The following CFH variants were observed in gnomAD, a reference collection of about 807,000 sequenced individuals.
CFH encodes complement factor H.
Under a neutral mutation model 147.3 loss-of-function variants are expected in CFH, and 53 were observed. The ratio of observed to expected loss-of-function variants is 0.36; its 90% CI spans 0.29 to 0.45. The LOEUF (loss-of-function observed/expected upper bound fraction) is 0.45. Ranked by LOEUF, CFH falls within the 20% of genes least tolerant of loss-of-function variation. The pLI, the probability that CFH is intolerant of heterozygous loss-of-function variation, is 1.00. For synonymous variants in CFH, 536 were observed against 489.4 expected (o/e 1.10, Z -1.26); for missense variants, 1,380 against 1,498.0 (o/e 0.92, Z 1.30).
intron 9 of CFH, chr1:196,701,469 A>C: frequency 7.6e-7 from 1 of 1,307,794 alleles, no homozygotes; most frequent in South Asian, 1.3e-5. Flanking sequence ...TTATGTGTGT[A>C]TTATTCCAGC....
rs772573809 is a variant in CFH at position 196,652,181 on chromosome 1, A to C, written c.58+6A>C. 1.7e-5 allele frequency: 27 copies of C among 1,594,596 alleles called. No homozygotes were observed. In the South Asian group the frequency reaches 2.5e-4, roughly 15 times the overall value. ...GGCTATTTGTGTAGCAGAAGGTAAG[A>C]TTAAAAGAGACTCTTTTCTGAAAAC... On this transcript the variant is annotated splice_donor_region_variant and intron_variant, in intron 1 of 21. Transcript: ENST00000367429.
intron 15 of CFH, 128 bp downstream of exon 15, chr1:196,728,650 G>T: frequency 1.2e-6 from 1 of 857,916 alleles, no homozygotes; most frequent in Non-Finnish European, 1.9e-6. Flanking sequence ...AGGTAAACTA[G>T]AAACTAATGA....
Position 196,688,524 on chromosome 1 carries a change from G to A in CFH, c.965-896G>A, listed in dbSNP as rs183957854. 5.5e-4 allele frequency among the ~76,000 whole-genome samples: 83 copies of A among 152,106 alleles called. No individual in the cohort carries two copies. The East Asian group carries it at 0.016, about 29-fold the overall frequency. ...CATGAATTAACTATGTTATTTTTCT[G>A]CGCGGTATCATCAAAGAAAAATTTT... On this transcript the variant is annotated intron_variant, in intron 7 of 21. Coordinates refer to ENST00000367429, the MANE Select transcript of CFH (RefSeq NM_000186.4).
chr1:196,745,186 T>C (rs755127968), intron 20 of CFH, among the ~76,000 whole-genome samples: 15 of 152,184 alleles, frequency 9.9e-5, no homozygotes, highest in Non-Finnish European at 1.8e-4. Flanking sequence ...ACTCAGCTTC[T>C]TAAATATAAG....
At chr1:196,685,606 C>T (rs56058676) in intron 7 of CFH, among the ~76,000 whole-genome samples, 27 of 152,060 alleles carry the variant, frequency 1.8e-4, no homozygotes, top group Admixed American at 7.9e-4. Context: ...CAGTTTCTAT[C>T]GGTCAGTAAT....
intron 1 of CFH, 72 bp from the exon 2 acceptor site, chr1:196,672,906 C>A (rs1004946508): frequency 2.3e-6 from 3 of 1,310,528 alleles, no homozygotes; most frequent in Admixed American, 2.0e-5. Flanking sequence ...TTTTTAAAAG[C>A]AACAATTACC....
At chr1:196,697,549 C>T (rs912072043) in intron 9 of CFH, among the ~76,000 whole-genome samples, 1 of 152,190 alleles carries the variant, frequency 6.6e-6, no homozygotes, top group East Asian at 1.9e-4. Flanking sequence ...CACTTTTACA[C>T]TGTTGGTGGA....
chr1:196,706,125 C>T (rs767041989), intron 9 of CFH, among the ~76,000 whole-genome samples: 20 of 151,820 alleles, frequency 1.3e-4, no homozygotes, highest in African/African-American at 4.8e-4. Context: ...CTGGGTTCAT[C>T]GGCACAGAAG....
In CFH at chr1:196,715,728, T is replaced by C. The variant is rs1471665793; in HGVS notation, c.1655T>C (p.Val552Ala). 1 of 1,612,854 alleles carries C rather than the reference T, an allele frequency of 6.2e-7. No individual in the cohort carries two copies. The highest frequency in any genetic ancestry group is 8.5e-7 in the Non-Finnish European group (1 of 1,179,198). The change falls in exon 11 of 22, where the codon GTG (valine) becomes GCG (alanine). Residue 552 changes from valine (V) to alanine (A), a missense_variant. Physicochemically the swap from Val to Ala is moderately conservative, Grantham distance 64 (BLOSUM62 0). This residue lies in a region of CFH where 830 missense variants were observed against 821.4 expected (regional missense o/e 1.01). Coordinates refer to ENST00000367429, the MANE Select transcript of CFH (RefSeq NM_000186.4). The stretch of plus-strand genomic sequence containing the variant: ...ACTGGAAGCACCACTGGTTCCATAG[T>C]GTGTGGTTACAATGGTTGGTCTGAT... Reference protein sequence around the residue: ...SNTGSTTGSIVCGYNGWSDLP... With the variant: ...SNTGSTTGSIACGYNGWSDLP...
chr1:196,703,811 C>T (rs1036236108), intron 9 of CFH, among the ~76,000 whole-genome samples: 5 of 151,460 alleles, frequency 3.3e-5, no homozygotes, highest in Non-Finnish European at 7.4e-5. Context: ...AGTGAAACCC[C>T]GTCTCTGCTA....
At chr1:196,722,216 G>A (rs747628328) in intron 11 of CFH, among the ~76,000 whole-genome samples, 3 of 151,968 alleles carry the variant, frequency 2.0e-5, no homozygotes, top group Admixed American at 2.0e-4. Flanking sequence ...GGACTCCCTG[G>A]ATCATTTCTT....
rs1349222289 is a variant in CFH at position 196,671,598 on chromosome 1, A to ACACACT, written c.59-1375_59-1374insTCACAC. On this transcript the variant is annotated intron_variant, in intron 1 of 21. Coordinates refer to ENST00000367429, the MANE Select transcript of CFH (RefSeq NM_000186.4). ...TCTCAAAAGACTAATACACACACAC[A>ACACACT]CACACACACACACACACACACACAC... 1.1e-3 allele frequency among the ~76,000 whole-genome samples: 159 copies of ACACACT among 149,534 alleles called. 1 individual carries two copies. The South Asian group carries it at 0.015, about 14-fold the overall frequency.
At chr1:196,742,842 T>C (rs1471097005) in intron 19 of CFH, among the ~76,000 whole-genome samples, 1 of 152,216 alleles carries the variant, frequency 6.6e-6, no homozygotes. Context: ...TCATTGGCAA[T>C]TAAATTATCT....
chr1:196,658,503 C>T (rs974165450), intron 1 of CFH, among the ~76,000 whole-genome samples: 5 of 150,032 alleles, frequency 3.3e-5, no homozygotes, highest in African/African-American at 1.2e-4. Flanking sequence ...GCTCCGCCTC[C>T]CGGGTTCACG....
At chr1:196,679,920 A>C in intron 6 of CFH, 127 bp downstream of exon 6, 1 of 864,492 alleles carries the variant, frequency 1.2e-6, no homozygotes, top group South Asian at 1.7e-5. Context: ...ATTATAAAAA[A>C]CATATAGCAT....
chr1:196,742,106 G>T (rs1376083785), intron 19 of CFH, 55 bp downstream of exon 19: 2 of 1,557,792 alleles, frequency 1.3e-6, no homozygotes, highest in African/African-American at 2.7e-5. Flanking sequence ...CCAGCCCAGT[G>T]GCTGGCGCCT....
chr1:196,715,682 C>A lies in CFH; in HGVS notation c.1609C>A (p.His537Asn), dbSNP rs1352109963. The A allele has an allele frequency of 6.2e-7, 1 of 1,612,618 alleles. No homozygotes were observed. Among genetic ancestry groups the A allele is most frequent in the Non-Finnish European group, 8.5e-7 (1 of 1,179,158 alleles). The change falls in exon 11 of 22, where the codon CAT (histidine) becomes AAT (asparagine). Residue 537 changes from histidine to asparagine, a missense_variant. By Grantham distance (68) the His-to-Asn change is moderately conservative. Coordinates refer to ENST00000367429, the MANE Select transcript of CFH (RefSeq NM_000186.4). ...KLNDTLDYEC[H>N]DGYESNTGST... ...GAATGACACATTGGACTATGAATGC[C>A]ATGATGGTTATGAAAGCAATACTGG...
In CFH at chr1:196,736,923, T is replaced by C. The variant is rs1322064437; in HGVS notation, c.2513T>C (p.Leu838Pro). The stretch of plus-strand genomic sequence containing the variant: ...CGGGATGGAGAAAAAGTATCTGTTC[T>C]TTGCCAAGAAAATTATCTAATTCAG... ...NYRDGEKVSV[L>P]CQENYLIQEG... The change falls in exon 16 of 22, where the codon CTT becomes CCT. Residue 838 changes from leucine (L) to proline (P), a missense_variant. Transcript: ENST00000367429. The C allele has an allele frequency of 1.9e-6, 3 of 1,611,914 alleles. No homozygotes were observed. The Admixed American group carries it at 5.0e-5, about 27-fold the overall frequency.
intron 1 of CFH, among the ~76,000 whole-genome samples, chr1:196,655,754 T>C (rs1306213709): frequency 6.6e-6 from 1 of 152,336 alleles, no homozygotes; most frequent in East Asian, 1.9e-4. Flanking sequence ...ACGTGTACTT[T>C]ACCCATTTCT....
Sources: gnomAD v4.1 joint callset for allele counts (sites outside exome capture counted in the v4.1 genomes callset) on GRCh38, gnomAD v4.1.1 for gene constraint, gnomAD v4.1.1 regional missense constraint, MANE v1.5 for transcripts, NCBI Gene and HGNC (gene_info 2026-07-23, HGNC 2026-07-21) for gene names.